The following MBNL2 variants were observed in gnomAD, a reference collection of about 807,000 sequenced individuals.
MBNL2 encodes the protein muscleblind-like protein 2.
A neutral mutation model predicts 41.9 loss-of-function variants in MBNL2; 17 were observed. The ratio of observed to expected loss-of-function variants is 0.41; its 90% CI spans 0.28 to 0.61. The LOEUF (loss-of-function observed/expected upper bound fraction) is 0.61. Among genes scored for constraint, MBNL2 ranks in the 20% least tolerant of loss-of-function variants. MBNL2 has a pLI of 0.35. For missense variants in MBNL2, 336 were observed against 505.6 expected (o/e 0.66, Z 3.22); for synonymous variants, 195 against 182.9 (o/e 1.07, Z -0.53).
chr13:97,203,150 C>G, the MBNL2 span, among the ~76,000 whole-genome samples: 53 of 152,206 alleles, frequency 3.5e-4, no homozygotes, highest in African/African-American at 1.3e-3. Flanking sequence ...AATTAAGGGT[C>G]TAGCACTTTA....
chr13:97,349,862 G>A (rs1206703324), intron 5 of MBNL2, among the ~76,000 whole-genome samples: 1 of 152,110 alleles, frequency 6.6e-6, no homozygotes, highest in Non-Finnish European at 1.5e-5. Context: ...ACCTCTATAG[G>A]GATGTATTCT....
intron 2 of MBNL2, among the ~76,000 whole-genome samples, chr13:97,303,166 AC>A (rs2057797444): frequency 6.6e-6 from 1 of 152,182 alleles, no homozygotes; most frequent in Non-Finnish European, 1.5e-5. Context: ...CCAGTGAAGG[AC>A]ATGTGGGCAG....
intron 2 of MBNL2, among the ~76,000 whole-genome samples, chr13:97,291,101 G>A (rs1156641896): frequency 6.6e-6 from 1 of 152,042 alleles, no homozygotes; most frequent in Non-Finnish European, 1.5e-5. Context: ...GAGGAGGGAT[G>A]GTAGGAGGAG....
chr13:97,320,256 A>C (rs1377840148), intron 2 of MBNL2, among the ~76,000 whole-genome samples: 1 of 146,290 alleles, frequency 6.8e-6, no homozygotes, highest in African/African-American at 2.5e-5. Context: ...ATTCTCTGGA[A>C]GGGTCTTTTT....
intron 2 of MBNL2, among the ~76,000 whole-genome samples, chr13:97,325,548 C>T (rs1021032159): frequency 5.3e-5 from 8 of 152,090 alleles, no homozygotes; most frequent in East Asian, 1.9e-4. Context: ...CTGGGCAACA[C>T]AGTGCGAACC....
chr13:97,333,406 G>C (rs2060586595), intron 2 of MBNL2, among the ~76,000 whole-genome samples: 1 of 152,012 alleles, frequency 6.6e-6, no homozygotes, highest in Admixed American at 6.6e-5. Context: ...ACCAGCTTTG[G>C]CTTCCAAATA....
At position 97,350,234 on chromosome 13, in the gene MBNL2, A is replaced by G. The variant is rs1006759174; in HGVS notation, c.804+3167A>G. 5.3e-5 allele frequency among the ~76,000 whole-genome samples: 8 copies of G among 152,226 alleles called. No individual in the cohort carries two copies. In the East Asian group the frequency reaches 1.5e-3, roughly 29 times the overall value. ...AGAACATTATGTCTGAAGAATATAT[A>G]CACACCTTAATTTTAAAATGTTGCT... On this transcript the variant is annotated intron_variant, in intron 5 of 8. Transcript: ENST00000679496.
At chr13:97,206,792 T>C in the MBNL2 span, among the ~76,000 whole-genome samples, 1 of 152,168 alleles carries the variant, frequency 6.6e-6, no homozygotes, top group Non-Finnish European at 1.5e-5. Context: ...GTAATAATGA[T>C]AATAGTGTAA....
intron 2 of MBNL2, among the ~76,000 whole-genome samples, chr13:97,284,124 C>A (rs1056371914): frequency 1.3e-5 from 2 of 152,300 alleles, no homozygotes; most frequent in South Asian, 4.2e-4. Flanking sequence ...TACCACAAAC[C>A]GTGTGGTTTA....
Position 97,328,482 on chromosome 13 carries a change from A to G in MBNL2, c.175-5794A>G, listed in dbSNP as rs145303107. Among the ~76,000 whole-genome samples, 1,146 of 152,330 alleles carry G rather than the reference A, an allele frequency of 7.5e-3. 7 individuals are homozygous for G. The highest frequency in any genetic ancestry group is 0.011 in the Non-Finnish European group (751 of 68,036). On this transcript the variant is annotated intron_variant, in intron 2 of 8. Transcript: ENST00000679496. ...CCGCGGCCTGGCCTGCTTGCTTGAA[A>G]ATATCATCATGCACCTACAGCAGCA...
At chr13:97,224,357 C>T (rs751998718) in intron 1 of MBNL2, among the ~76,000 whole-genome samples, 1 of 152,210 alleles carries the variant, frequency 6.6e-6, no homozygotes, top group Non-Finnish European at 1.5e-5. Flanking sequence ...AAGTACAATA[C>T]TGCAGGCTGC....
At chr13:97,387,590 G>A (rs1446869355) in intron 8 of MBNL2, among the ~76,000 whole-genome samples, 1 of 152,188 alleles carries the variant, frequency 6.6e-6, no homozygotes, top group Non-Finnish European at 1.5e-5. Context: ...GCACAGCCAT[G>A]CTCTTTGGAA....
the MBNL2 span, among the ~76,000 whole-genome samples, chr13:97,200,189 G>A: frequency 6.6e-6 from 1 of 152,204 alleles, no homozygotes; most frequent in African/African-American, 2.4e-5. Context: ...AGAGCTGCAC[G>A]TACACCCACT....
the MBNL2 span, among the ~76,000 whole-genome samples, chr13:97,206,426 T>C: frequency 7.2e-5 from 11 of 152,288 alleles, no homozygotes; most frequent in Middle Eastern, 6.8e-3. Context: ...TATTTCTTAT[T>C]CCAGTAGCTC....
chr13:97,144,423 CTTTTTTTTTT>C, the MBNL2 span, among the ~76,000 whole-genome samples: 21 of 118,082 alleles, frequency 1.8e-4, no homozygotes, highest in Admixed American at 1.7e-4. Context: ...CATGATACTT[CTTTTTTTTTT>C]TTTTTTTTTT....
At chr13:97,186,763 A>T in the MBNL2 span, among the ~76,000 whole-genome samples, 1 of 152,224 alleles carries the variant, frequency 6.6e-6, no homozygotes, top group Non-Finnish European at 1.5e-5. Context: ...GATTCCTATC[A>T]TCATGTTACT....
intron 2 of MBNL2, among the ~76,000 whole-genome samples, chr13:97,310,583 C>T (rs1416920866): frequency 1.3e-5 from 2 of 151,916 alleles, no homozygotes; most frequent in African/African-American, 4.8e-5. Context: ...GCACCCGCCA[C>T]CATGCCTGGC....
chr13:97,153,267 T>A, the MBNL2 span, among the ~76,000 whole-genome samples: 1 of 151,932 alleles, frequency 6.6e-6, no homozygotes. Context: ...TATAATTATG[T>A]AGAAAGAATG....
At chr13:97,294,670 GAAA>G (rs2056748590) in intron 2 of MBNL2, among the ~76,000 whole-genome samples, 1 of 152,126 alleles carries the variant, frequency 6.6e-6, no homozygotes, top group Non-Finnish European at 1.5e-5. Flanking sequence ...GCCAAATTTA[GAAA>G]ACATTACTTG....
Sources: gnomAD v4.1 joint callset for allele counts (sites outside exome capture counted in the v4.1 genomes callset) on GRCh38, gnomAD v4.1.1 for gene constraint, MANE v1.5 for transcripts, NCBI Gene and HGNC (gene_info 2026-07-23, HGNC 2026-07-21) for gene names.